Variants in MDFIC observed in about 807,000 individuals in gnomAD.
MDFIC encodes the protein MyoD family inhibitor domain containing.
In MDFIC, 17 loss-of-function variants were observed where a neutral mutation model predicts 23.2. That is an observed-to-expected ratio of 0.73 (90% CI 0.50 to 1.10). The LOEUF is 1.10. Among genes scored for constraint, MDFIC ranks in the 50% least tolerant of loss-of-function variants. The probability of loss-of-function intolerance (pLI) is 0.00; values close to 1 mark genes in which losing one functional copy is unlikely to be tolerated. For missense variants in MDFIC, 356 were observed against 316.6 expected (o/e 1.12, Z -0.95); for synonymous variants, 120 against 115.2 (o/e 1.04, Z -0.27).
At position 114,922,380 on chromosome 7, in the gene MDFIC, G is replaced by C; in HGVS notation, c.-364G>C. 8.1e-7 allele frequency: 1 copy of C among 1,234,408 alleles called. No homozygotes were observed. Among genetic ancestry groups the C allele is most frequent in the South Asian group, 4.1e-5 (1 of 24,444 alleles). 76.5% of individuals were successfully genotyped at this position (1,234,408 alleles called of 1,614,324 possible). A position where few individuals can be genotyped will look rare whatever the true frequency, so the allele number is the denominator to read the frequency against. ...AGGGGGAAGGCCCCCTCGCAGGGGA[G>C]CCGGCTGGAGTGAGCTGGCTGGAAA... On this transcript the variant is annotated 5_prime_UTR_variant, in exon 1 of 5. Transcript: ENST00000393486.
At chr7:114,947,234 A>G (rs1792664600) in intron 3 of MDFIC, among the ~76,000 whole-genome samples, 1 of 152,070 alleles carries the variant, frequency 6.6e-6, no homozygotes, top group Non-Finnish European at 1.5e-5. Flanking sequence ...CTAATATTTC[A>G]TGCTCATTCA....
chr7:114,979,909 A>G (rs759779404), intron 4 of MDFIC, 128 bp downstream of exon 4: 1 of 1,156,108 alleles, frequency 8.6e-7, no homozygotes, highest in Non-Finnish European at 1.3e-6. Flanking sequence ...ATTTTGGTAA[A>G]ATGCAGATTA....
chr7:114,974,709 GT>G (rs1042192636), intron 3 of MDFIC, among the ~76,000 whole-genome samples: 1 of 151,948 alleles, frequency 6.6e-6, no homozygotes, highest in Non-Finnish European at 1.5e-5. Context: ...AATATCACCA[GT>G]TTTTTAAAAA....
intron 3 of MDFIC, among the ~76,000 whole-genome samples, chr7:114,950,882 G>C (rs541033797): frequency 5.9e-5 from 9 of 152,192 alleles, no homozygotes; most frequent in Non-Finnish European, 1.2e-4. Flanking sequence ...AAACTTAAAG[G>C]GTCAGGAGGG....
chr7:114,961,600 A>T (rs1034712380), intron 3 of MDFIC, among the ~76,000 whole-genome samples: 1 of 152,196 alleles, frequency 6.6e-6, no homozygotes, highest in Non-Finnish European at 1.5e-5. Context: ...TCTCATGCAT[A>T]TGCATGCTGT....
intron 2 of MDFIC, among the ~76,000 whole-genome samples, chr7:114,941,524 A>G (rs1792540344): frequency 6.6e-6 from 1 of 152,128 alleles, no homozygotes; most frequent in Non-Finnish European, 1.5e-5. Flanking sequence ...TCCATCCAAC[A>G]TGTATCATTT....
At chr7:115,004,507 A>G (rs940575922) in intron 4 of MDFIC, among the ~76,000 whole-genome samples, 1 of 152,260 alleles carries the variant, frequency 6.6e-6, no homozygotes, top group Non-Finnish European at 1.5e-5. Flanking sequence ...TTACTCTACC[A>G]GCACGATGTG....
intron 4 of MDFIC, among the ~76,000 whole-genome samples, chr7:115,003,592 A>C (rs959513788): frequency 6.6e-6 from 1 of 152,090 alleles, no homozygotes; most frequent in Non-Finnish European, 1.5e-5. Context: ...TTATCACTGC[A>C]TGTCGTTCCT....
chr7:114,965,020 A>G (rs1252669678), intron 3 of MDFIC, among the ~76,000 whole-genome samples: 1 of 152,212 alleles, frequency 6.6e-6, no homozygotes, highest in Non-Finnish European at 1.5e-5. Context: ...GAGAGGACGG[A>G]TCTTTAAACA....
chr7:114,969,902 A>G (rs1270121614), intron 3 of MDFIC, among the ~76,000 whole-genome samples: 1 of 152,206 alleles, frequency 6.6e-6, no homozygotes, highest in Non-Finnish European at 1.5e-5. Context: ...GAAGTAATTC[A>G]GAAATCTGTC....
At chr7:114,960,513 G>A (rs1374609131) in intron 3 of MDFIC, among the ~76,000 whole-genome samples, 1 of 151,936 alleles carries the variant, frequency 6.6e-6, no homozygotes, top group Admixed American at 6.6e-5. Flanking sequence ...TATCAAAAGG[G>A]ATTTCTACAT....
At chr7:114,950,187 A>G (rs1409462517) in intron 3 of MDFIC, among the ~76,000 whole-genome samples, 2 of 152,206 alleles carry the variant, frequency 1.3e-5, no homozygotes, top group East Asian at 1.9e-4. Flanking sequence ...TAAGAGATCA[A>G]CTGGAAGACT....
At position 115,014,587 on chromosome 7, in the gene MDFIC, T is replaced by G. The variant is rs544084500; in HGVS notation, c.494-1101T>G. On this transcript the variant is annotated intron_variant, in intron 4 of 4. Transcript: ENST00000393486. Reference sequence around the variant, plus strand: ...CGCTATTGTAGGTTGTGGAATCTTCTTATTAAAACTTACATTATACAAAGT... The same window carrying G: ...CGCTATTGTAGGTTGTGGAATCTTCGTATTAAAACTTACATTATACAAAGT... The G allele has an allele frequency of 2.9e-4, 336 of 1,151,498 alleles. 1 individual carries two copies. Among genetic ancestry groups the G allele is most frequent in the Non-Finnish European group, 3.6e-4 (330 of 904,446 alleles). The allele number at this position is 1,151,498 out of a possible 1,614,324, so 71.3% of individuals were successfully genotyped here.
chr7:114,986,935 G>A (rs1793525901), intron 4 of MDFIC, among the ~76,000 whole-genome samples: 1 of 152,138 alleles, frequency 6.6e-6, no homozygotes, highest in Non-Finnish European at 1.5e-5. Context: ...GCTTATACAA[G>A]TTCAGAAAAA....
chr7:114,929,114 C>CTATCTATCATCTATCTATT (rs1792258898), intron 2 of MDFIC, among the ~76,000 whole-genome samples: 1 of 150,844 alleles, frequency 6.6e-6, no homozygotes, highest in Non-Finnish European at 1.5e-5. Context: ...ATCTATCTAT[C>CTATCTATCATCTATCTATT]TATATATTTT....
Position 114,942,402 on chromosome 7 carries a change from G to C in MDFIC, c.217+5G>C. On this transcript the variant is annotated splice_donor_5th_base_variant and intron_variant, in intron 3 of 4. Coordinates refer to ENST00000393486, the MANE Select transcript of MDFIC (RefSeq NM_001166345.3). ...CGGATGGTGAACTCATTAGAAGTAA[G>C]TATTTTTAGAAAAAACTTTGAGTGA... 6.4e-7 allele frequency: 1 copy of C among 1,559,530 alleles called. No individual in the cohort carries two copies. Among genetic ancestry groups the C allele is most frequent in the Non-Finnish European group, 8.6e-7 (1 of 1,157,562 alleles).
chr7:115,002,761 C>A (rs1170532883), intron 4 of MDFIC, among the ~76,000 whole-genome samples: 4 of 152,172 alleles, frequency 2.6e-5, no homozygotes, highest in Admixed American at 6.5e-5. Context: ...CAGCACACAC[C>A]CCATCACTGC....
At chr7:114,923,558 T>A in intron 2 of MDFIC, 1 of 1,535,260 alleles carries the variant, frequency 6.5e-7, no homozygotes, top group Admixed American at 2.0e-5. Flanking sequence ...ACCACCCGGT[T>A]GATAATTCAG....
chr7:114,941,345 T>C (rs886329072), intron 2 of MDFIC, among the ~76,000 whole-genome samples: 1 of 152,192 alleles, frequency 6.6e-6, no homozygotes, highest in Non-Finnish European at 1.5e-5. Flanking sequence ...ATCCACACAA[T>C]GTCTCTAATC....
Sources: allele counts gnomAD v4.1 joint callset (sites outside exome capture counted in the v4.1 genomes callset), GRCh38; gene constraint gnomAD v4.1.1; transcripts MANE v1.5; gene names NCBI Gene and HGNC (gene_info 2026-07-23, HGNC 2026-07-21).